The following ACTR3 variants were observed in gnomAD, a reference collection of about 807,000 sequenced individuals.
The protein encoded by ACTR3 is actin-related protein 3.
In ACTR3, 12 loss-of-function variants were observed where a neutral mutation model predicts 56.8. That is an observed-to-expected ratio of 0.21 (90% confidence interval 0.14 to 0.34). ACTR3 has a LOEUF of 0.34. Among genes scored for constraint, ACTR3 ranks in the 10% least tolerant of loss-of-function variants. The probability of loss-of-function intolerance (pLI) is 1.00; values close to 1 mark genes in which losing one functional copy is unlikely to be tolerated. For missense variants in ACTR3, 282 were observed against 512.5 expected (o/e 0.55, Z 4.34); for synonymous variants, 162 against 167.4 (o/e 0.97, Z 0.25).
intron 1 of ACTR3, among the ~76,000 whole-genome samples, chr2:113,900,542 A>G (rs778737976): frequency 5.9e-5 from 9 of 152,226 alleles, no homozygotes; most frequent in South Asian, 2.1e-4. Flanking sequence ...AGGAAGGCCT[A>G]TGGATAAAGG....
At chr2:113,912,083 T>A (rs1423148308) in intron 1 of ACTR3, among the ~76,000 whole-genome samples, 1 of 152,120 alleles carries the variant, frequency 6.6e-6, no homozygotes, top group Non-Finnish European at 1.5e-5. Flanking sequence ...ACCGTGTTGG[T>A]CAGGCTGGTC....
intron 8 of ACTR3, among the ~76,000 whole-genome samples, chr2:113,945,175 A>C (rs944114907): frequency 9.2e-5 from 14 of 152,150 alleles, no homozygotes; most frequent in African/African-American, 3.1e-4. Flanking sequence ...TTGGTGGTAC[A>C]TTTTCTTTGC....
At chr2:113,956,246 A>G (rs925776703) in intron 11 of ACTR3, among the ~76,000 whole-genome samples, 1 of 151,926 alleles carries the variant, frequency 6.6e-6, no homozygotes, top group Non-Finnish European at 1.5e-5. Context: ...GAGTCCATCA[A>G]TACTTGGAGA....
intron 4 of ACTR3, among the ~76,000 whole-genome samples, chr2:113,931,011 C>T (rs1034647033): frequency 1.3e-5 from 2 of 151,996 alleles, no homozygotes; most frequent in African/African-American, 2.4e-5. Context: ...CTCCAACCCT[C>T]TCTCTCCCTG....
Position 113,924,709 on chromosome 2 carries a change from A to T in ACTR3, c.226-2636A>T, listed in dbSNP as rs78829973. ...AACTTCAGTTTTGTTTTTGTATACC[A>T]TGCAGTGTTTGTCTTTCTATACATC... On this transcript the variant is annotated intron_variant, in intron 3 of 11. Transcript: ENST00000263238. 0.024 allele frequency among the ~76,000 whole-genome samples: 3,688 copies of T among 152,108 alleles called. 220 individuals are homozygous for T. In the East Asian group the frequency reaches 0.26, roughly 11 times the overall value.
intron 10 of ACTR3, chr2:113,952,314 G>T (rs1214371055): frequency 6.5e-6 from 1 of 154,078 alleles, no homozygotes; most frequent in Non-Finnish European, 1.4e-5. Flanking sequence ...AGTAACCTTT[G>T]TATTACATGT....
In ACTR3 at chr2:113,960,836, CA is replaced by C. The variant is rs1680312463; in HGVS notation, c.*3385del. 2 of 152,002 alleles carry C rather than the reference CA, an allele frequency of 1.3e-5. No homozygotes were observed. The highest frequency in any genetic ancestry group is 2.1e-4 in the South Asian group (1 of 4,814). 9.4% of individuals were successfully genotyped at this position (152,002 alleles called of 1,614,324 possible). On this transcript the variant is annotated 3_prime_UTR_variant, in exon 12 of 12. Coordinates refer to ENST00000263238, the MANE Select transcript of ACTR3 (RefSeq NM_005721.5). ...ATTCTATTAGCTGGTATAAATAATC[CA>C]AAATCTGTGCAGACTCTGGGAGCAA...
At chr2:113,948,300 C>T (rs1040363411) in intron 8 of ACTR3, among the ~76,000 whole-genome samples, 1 of 152,086 alleles carries the variant, frequency 6.6e-6, no homozygotes, top group Non-Finnish European at 1.5e-5. Flanking sequence ...CAGGTATGTG[C>T]CACCACTTCC....
In ACTR3 at chr2:113,942,270, A is replaced by T. The variant is rs1679937109; in HGVS notation, c.769A>T (p.Thr257Ser). 6.2e-7 allele frequency: 1 copy of T among 1,606,528 alleles called. No homozygotes were observed. The highest frequency in any genetic ancestry group is 8.5e-7 in the Non-Finnish European group (1 of 1,177,050). Reference protein sequence around the residue: ...TDGSKWIKQYTGINAISKKEF... With the variant: ...TDGSKWIKQYSGINAISKKEF... ...TGGGTCAAAATGGATTAAACAGTAT[A>T]CTGGAATCAATGCTATCTCAAAGAA... The change falls in exon 8 of 12, where the codon ACT (threonine) becomes TCT (serine). Residue 257 changes from threonine to serine, a missense_variant. Transcript: ENST00000263238.
Position 113,936,198 on chromosome 2 carries a change from G to A in ACTR3, c.540+1812G>A, listed in dbSNP as rs577511923. On this transcript the variant is annotated intron_variant, in intron 6 of 11. Coordinates refer to ENST00000263238, the MANE Select transcript of ACTR3 (RefSeq NM_005721.5). ...TCCCAGCTACTCCAGAGGCTGAGGA[G>A]GGAAGATAACCTGACCCTGGAGAGG... is the stretch of plus-strand genomic sequence containing the variant. 6.6e-5 allele frequency among the ~76,000 whole-genome samples: 10 copies of A among 151,724 alleles called. No individual in the cohort carries two copies. In the South Asian group the frequency reaches 1.7e-3, roughly 25 times the overall value.
chr2:113,892,294 A>G (rs1678919205), intron 1 of ACTR3, among the ~76,000 whole-genome samples: 1 of 152,188 alleles, frequency 6.6e-6, no homozygotes, highest in Admixed American at 6.5e-5. Context: ...AACCTAGGCT[A>G]TTTCTGTTTT....
At position 113,924,243 on chromosome 2, in the gene ACTR3, A is replaced by AT. The variant is rs1222977721; in HGVS notation, c.226-3088dup. ...TGCCACCACACCTGGCTAATTAAAAATTTTTTTTTTTTTTGTAGAGACAGG... is the reference window on the plus strand; with the variant it reads ...TGCCACCACACCTGGCTAATTAAAAATTTTTTTTTTTTTTTGTAGAGACAGG... On this transcript the variant is annotated intron_variant, in intron 3 of 11. Coordinates refer to ENST00000263238, the MANE Select transcript of ACTR3 (RefSeq NM_005721.5). Among the ~76,000 whole-genome samples, 644 of 143,642 alleles carry AT rather than the reference A, an allele frequency of 4.5e-3. 4 individuals are homozygous for AT. Among genetic ancestry groups the AT allele is most frequent in the African/African-American group, 0.012 (463 of 39,350 alleles). The allele number at this position is 143,642 out of a possible 152,430, so 94.2% of individuals were successfully genotyped here.
chr2:113,957,716 C>A lies in ACTR3; in HGVS notation c.*261C>A. ...AGTGGGTTTTAGTTCTTTCTGTGCC[C>A]TGATATTTTGTATATTAATGAATTA... On this transcript the variant is annotated 3_prime_UTR_variant, in exon 12 of 12. Coordinates refer to ENST00000263238, the MANE Select transcript of ACTR3 (RefSeq NM_005721.5). 1 of 380,804 alleles carries A rather than the reference C, an allele frequency of 2.6e-6. No individual in the cohort carries two copies. The highest frequency in any genetic ancestry group is 7.7e-4 in the Middle Eastern group (1 of 1,298). The allele number at this position is 380,804 out of a possible 1,614,324, so 23.6% of individuals were successfully genotyped here.
At chr2:113,915,880 G>A (rs1679396383) in intron 2 of ACTR3, among the ~76,000 whole-genome samples, 1 of 152,156 alleles carries the variant, frequency 6.6e-6, no homozygotes, top group Admixed American at 6.5e-5. Flanking sequence ...CAGGTACAGT[G>A]TTTATAATTA....
chr2:113,929,233 C>T (rs1409028790), intron 4 of ACTR3, among the ~76,000 whole-genome samples: 2 of 151,772 alleles, frequency 1.3e-5, no homozygotes, highest in African/African-American at 2.4e-5. Context: ...GTGTTGACCT[C>T]CCAGCTCAAA....
At chr2:113,916,745 T>C (rs1679411635) in intron 2 of ACTR3, 139 bp from the exon 3 acceptor site, 4 of 633,014 alleles carry the variant, frequency 6.3e-6, no homozygotes, top group Non-Finnish European at 7.0e-6. Flanking sequence ...TTCTTATGAC[T>C]TTTGTGAATT....
intron 1 of ACTR3, among the ~76,000 whole-genome samples, chr2:113,912,700 A>G (rs1312225460): frequency 6.6e-6 from 1 of 152,186 alleles, no homozygotes; most frequent in African/African-American, 2.4e-5. Context: ...TTTTATACAG[A>G]TATACCATAC....
intron 3 of ACTR3, among the ~76,000 whole-genome samples, chr2:113,918,056 T>G (rs1215636726): frequency 6.6e-6 from 1 of 152,136 alleles, no homozygotes; most frequent in African/African-American, 2.4e-5. Flanking sequence ...GGACTAGAAG[T>G]GCATGACCAA....
intron 5 of ACTR3, among the ~76,000 whole-genome samples, chr2:113,933,677 ATTTTT>A (rs1167918809): frequency 8.1e-6 from 1 of 123,850 alleles, no homozygotes; most frequent in Admixed American, 8.1e-5. Flanking sequence ...GTTCTATACA[ATTTTT>A]TTTTTTTTTT....
Sources: gnomAD v4.1 joint callset for allele counts (sites outside exome capture counted in the v4.1 genomes callset) on GRCh38, gnomAD v4.1.1 for gene constraint, MANE v1.5 for transcripts, NCBI Gene and HGNC (gene_info 2026-07-23, HGNC 2026-07-21) for gene names.